Variants in SMG7 observed in about 807,000 individuals in gnomAD.
SMG7 encodes nonsense-mediated mRNA decay factor SMG7.
SMG7 carries 34 observed loss-of-function variants against 148.2 expected under a neutral mutation model. The ratio of observed to expected loss-of-function variants is 0.23; its 90% confidence interval spans 0.17 to 0.31. The LOEUF (loss-of-function observed/expected upper bound fraction) is 0.31. Among genes scored for constraint, SMG7 ranks in the 10% least tolerant of loss-of-function variants. The probability of loss-of-function intolerance (pLI) is 1.00; values close to 1 mark genes in which losing one functional copy is unlikely to be tolerated. For missense variants in SMG7, 1,114 were observed against 1,408.4 expected, an observed-to-expected ratio of 0.79 and a Z score of 3.35; for synonymous variants, 492 against 515.1, an observed-to-expected ratio of 0.96 and a Z score of 0.61.
At chr1:183,548,535 A>G (rs1670356688) in intron 18 of SMG7, among the ~76,000 whole-genome samples, 1 of 152,214 alleles carries the variant, frequency 6.6e-6, no homozygotes, top group Admixed American at 6.5e-5. Flanking sequence ...TGAATAAAAA[A>G]AACTTCGACT....
chr1:183,514,698 C>T (rs1009468310), intron 2 of SMG7, among the ~76,000 whole-genome samples: 9 of 152,194 alleles, frequency 5.9e-5, no homozygotes, highest in Admixed American at 3.9e-4. Flanking sequence ...GAATGATGGT[C>T]TTGATAGATG....
At chr1:183,536,610 A>T (rs1430019021) in intron 10 of SMG7, among the ~76,000 whole-genome samples, 1 of 152,154 alleles carries the variant, frequency 6.6e-6, no homozygotes, top group East Asian at 1.9e-4. Context: ...GCTTTCACAA[A>T]AATTGTGTAT....
intron 1 of SMG7, among the ~76,000 whole-genome samples, chr1:183,489,123 C>G (rs1002975433): frequency 6.6e-6 from 1 of 151,856 alleles, no homozygotes; most frequent in East Asian, 1.9e-4. Flanking sequence ...ACTTTTCATA[C>G]AGAAAATTGA....
intron 1 of SMG7, among the ~76,000 whole-genome samples, chr1:183,495,357 G>A (rs760102643): frequency 1.3e-5 from 2 of 151,904 alleles, no homozygotes; most frequent in Non-Finnish European, 2.9e-5. Flanking sequence ...GAGAAAATAC[G>A]GTAAACCTGT....
intron 1 of SMG7, among the ~76,000 whole-genome samples, chr1:183,477,152 C>T (rs1311996948): frequency 6.6e-6 from 1 of 152,118 alleles, no homozygotes; most frequent in Non-Finnish European, 1.5e-5. Context: ...TAGGGAATAC[C>T]AGTCAAACAG....
intron 8 of SMG7, among the ~76,000 whole-genome samples, chr1:183,531,652 C>CAT (rs1337048046): frequency 6.6e-6 from 1 of 152,062 alleles, no homozygotes; most frequent in Non-Finnish European, 1.5e-5. Flanking sequence ...AGGGTGTATT[C>CAT]ATATTCATTA....
intron 4 of SMG7, 27 bp from the exon 5 acceptor site, chr1:183,526,569 A>G (rs764295368): frequency 1.9e-5 from 29 of 1,522,208 alleles, no homozygotes; most frequent in Non-Finnish European, 2.2e-5. Context: ...GTGACTTACT[A>G]CTAAATTTTG....
intron 1 of SMG7, among the ~76,000 whole-genome samples, chr1:183,483,662 A>G (rs1654720220): frequency 6.6e-6 from 1 of 152,186 alleles, no homozygotes; most frequent in Non-Finnish European, 1.5e-5. Flanking sequence ...TTAACATCTA[A>G]TTCTATGAAA....
chr1:183,553,950 A>T lies in SMG7; in HGVS notation c.*2019A>T, dbSNP rs867130934. On this transcript the variant is annotated 3_prime_UTR_variant, in exon 23 of 23. Coordinates refer to ENST00000688051, the MANE Select transcript of SMG7 (RefSeq NM_001375584.1). ...GCTCCTATCTAAAGCCCCATTCTGC[A>T]TGAGAATTTGGTGTTTGGAATGTTT... is the stretch of plus-strand genomic sequence containing the variant. 6.6e-6 allele frequency: 1 copy of T among 152,634 alleles called. No individual in the cohort carries two copies. Among genetic ancestry groups the T allele is most frequent in the African/African-American group, 2.4e-5 (1 of 41,458 alleles). 9.5% of individuals were successfully genotyped at this position (152,634 alleles called of 1,614,324 possible).
chr1:183,541,033 G>C lies in SMG7; in HGVS notation c.1345G>C (p.Gly449Arg). The C allele has an allele frequency of 6.2e-7, 1 of 1,613,608 alleles. No individual in the cohort carries two copies. Among genetic ancestry groups the C allele is most frequent in the Non-Finnish European group, 8.5e-7 (1 of 1,179,512 alleles). The change falls in exon 13 of 23, where the codon GGC (glycine) becomes CGC (arginine). Residue 449 changes from glycine to arginine, a missense_variant. Coordinates refer to ENST00000688051, the MANE Select transcript of SMG7 (RefSeq NM_001375584.1). Reference sequence around the variant, plus strand: ...CCAGGGTATTACAGGGGACAAAGAAGGCCAGCAACGACGAATACGACAGCA... The same window carrying C: ...CCAGGGTATTACAGGGGACAAAGAACGCCAGCAACGACGAATACGACAGCA... ...GHQGITGDKE[G>R]QQRRIRQQRL...
chr1:183,494,812 G>A (rs1348822770), intron 1 of SMG7, among the ~76,000 whole-genome samples: 13 of 118,966 alleles, frequency 1.1e-4, no homozygotes, highest in African/African-American at 4.3e-4. Flanking sequence ...TGTTGCCCAG[G>A]CTGGAGTGCA....
intron 2 of SMG7, among the ~76,000 whole-genome samples, 184 bp from the exon 3 acceptor site, chr1:183,515,683 CTTAGTCA>C (rs1374841270): frequency 3.4e-5 from 5 of 148,422 alleles, no homozygotes; most frequent in African/African-American, 1.2e-4. Context: ...GTAAACCAGA[CTTAGTCA>C]TTAGTCAAAA....
At position 183,538,535 on chromosome 1, in the gene SMG7, G is replaced by C. The variant is rs1572053943; in HGVS notation, c.1295+95G>C. 8.4e-6 allele frequency: 7 copies of C among 836,616 alleles called. No individual in the cohort carries two copies. In the South Asian group the frequency reaches 9.9e-5, roughly 12 times the overall value. The allele number at this position is 836,616 out of a possible 1,614,324, so 51.8% of individuals were successfully genotyped here. The stretch of plus-strand genomic sequence containing the variant: ...TTGGATGTAGAGGAACCTTTGATCT[G>C]TCCCAGCTGTGTGTTATTTTTGTAA... On this transcript the variant is annotated intron_variant, in intron 12 of 22. Coordinates refer to ENST00000688051, the MANE Select transcript of SMG7 (RefSeq NM_001375584.1).
chr1:183,496,616 CT>C, intron 1 of SMG7, among the ~76,000 whole-genome samples: 1 of 152,230 alleles, frequency 6.6e-6, no homozygotes, highest in African/African-American at 2.4e-5. Context: ...TTTCTTGAAG[CT>C]TTTTCTTTAT....
intron 10 of SMG7, among the ~76,000 whole-genome samples, chr1:183,534,352 A>T (rs1198057489): frequency 1.3e-5 from 2 of 152,176 alleles, no homozygotes; most frequent in Non-Finnish European, 2.9e-5. Flanking sequence ...GCTCTTAGGA[A>T]CCATTGATTT....
At chr1:183,524,384 G>A (rs1665405319) in intron 4 of SMG7, among the ~76,000 whole-genome samples, 1 of 152,196 alleles carries the variant, frequency 6.6e-6, no homozygotes, top group Non-Finnish European at 1.5e-5. Flanking sequence ...ACCTCCCAAA[G>A]TGTTGGGATT....
chr1:183,542,564 C>T, intron 14 of SMG7, 62 bp downstream of exon 14: 1 of 1,420,036 alleles, frequency 7.0e-7, no homozygotes, highest in South Asian at 1.3e-5. Context: ...CAAGATTTTT[C>T]ATTTTGTTCT....
chr1:183,534,921 T>G (rs1054279047), intron 10 of SMG7, among the ~76,000 whole-genome samples: 1 of 152,078 alleles, frequency 6.6e-6, no homozygotes, highest in African/African-American at 2.4e-5. Context: ...TATAAGCTCT[T>G]TCCATGATAT....
At position 183,543,700 on chromosome 1, in the gene SMG7, C is replaced by T. The variant is rs141185870; in HGVS notation, c.1843-653C>T. ...AAACATATCACCACACTCTGTACCT[C>T]GTCCTGGGTTTTCTATAAATGCTAC... On this transcript the variant is annotated intron_variant, in intron 14 of 22. Coordinates refer to ENST00000688051, the MANE Select transcript of SMG7 (RefSeq NM_001375584.1). Among the ~76,000 whole-genome samples the T allele has an allele frequency of 2.0e-4, 30 of 152,310 alleles. 1 individual carries two copies. Among genetic ancestry groups the T allele is most frequent in the Middle Eastern group, 3.4e-3 (1 of 294 alleles).
Sources: allele counts gnomAD v4.1 joint callset (sites outside exome capture counted in the v4.1 genomes callset), GRCh38; gene constraint gnomAD v4.1.1; transcripts MANE v1.5; gene names NCBI Gene and HGNC (gene_info 2026-07-23, HGNC 2026-07-21).